The following AVL9 variants were observed in gnomAD, a reference collection of about 807,000 sequenced individuals.
AVL9 encodes AVL9 cell migration associated, also known as late secretory pathway protein AVL9 homolog.
A neutral mutation model predicts 79.2 loss-of-function variants in AVL9; 49 were observed. The ratio of observed to expected loss-of-function variants is 0.62; its 90% CI spans 0.49 to 0.79. AVL9 has a LOEUF of 0.79. Among genes scored for constraint, AVL9 ranks in the 30% least tolerant of loss-of-function variants. The pLI is 0.00. For missense variants in AVL9, 682 were observed against 776.8 expected (o/e 0.88, Z 1.45); for synonymous variants, 299 against 280.6 (o/e 1.07, Z -0.65).
At chr7:32,569,906 C>A in intron 10 of AVL9, 114 bp from the exon 11 acceptor site, 1 of 989,584 alleles carries the variant, frequency 1.0e-6, no homozygotes, top group Non-Finnish European at 1.5e-6. Context: ...AGCTGACTTA[C>A]AGACAGGGCA....
At chr7:32,556,222 A>G (rs554289687) in intron 8 of AVL9, among the ~76,000 whole-genome samples, 2 of 152,304 alleles carry the variant, frequency 1.3e-5, no homozygotes, top group South Asian at 4.1e-4. Flanking sequence ...TAAGAAATAT[A>G]TATTCCTTCA....
chr7:32,513,753 C>A (rs1194317300), intron 1 of AVL9, among the ~76,000 whole-genome samples: 1 of 152,140 alleles, frequency 6.6e-6, no homozygotes, highest in African/African-American at 2.4e-5. Context: ...AGGACCTGCA[C>A]CAGCGCTGGT....
rs34422070 is a variant in AVL9 at position 32,586,472 on chromosome 7, C to CCCCCCCCCCCCCCCCCCCA, written c.*2566_*2567insCCCCCCCCCCCCCCCCCAC. Reference sequence around the variant, plus strand: ...CCCCTGGTCCTGTGACCCCCCCCCCCCACACACACACATACTTCAGGCTTG... The same window carrying CCCCCCCCCCCCCCCCCCCA: ...CCCCTGGTCCTGTGACCCCCCCCCCCCCCCCCCCCCCCCCCCCCACACACACACACATACTTCAGGCTTG... On this transcript the variant is annotated 3_prime_UTR_variant, in exon 16 of 16. Transcript: ENST00000318709. The CCCCCCCCCCCCCCCCCCCA allele has an allele frequency of 1.4e-5, 2 of 142,958 alleles. No individual in the cohort carries two copies. Among genetic ancestry groups the CCCCCCCCCCCCCCCCCCCA allele is most frequent in the African/African-American group, 2.6e-5 (1 of 38,728 alleles). 8.9% of individuals were successfully genotyped at this position (142,958 alleles called of 1,614,324 possible).
At chr7:32,508,751 T>C (rs932411664) in intron 1 of AVL9, among the ~76,000 whole-genome samples, 2 of 152,246 alleles carry the variant, frequency 1.3e-5, no homozygotes, top group Non-Finnish European at 2.9e-5. Flanking sequence ...CTATCTTCAC[T>C]GTTCTGTTAT....
chr7:32,498,414 A>G (rs1786961909), intron 1 of AVL9, among the ~76,000 whole-genome samples: 1 of 151,772 alleles, frequency 6.6e-6, no homozygotes. Context: ...GTACCTGGCT[A>G]ATTTTTTATA....
chr7:32,566,651 G>C (rs1260562965), intron 10 of AVL9, among the ~76,000 whole-genome samples: 3 of 152,074 alleles, frequency 2.0e-5, no homozygotes, highest in Non-Finnish European at 4.4e-5. Flanking sequence ...GACCGAGGCG[G>C]GCAGATCACG....
chr7:32,571,275 A>G (rs1046209427), intron 11 of AVL9, among the ~76,000 whole-genome samples: 13 of 148,358 alleles, frequency 8.8e-5, no homozygotes, highest in African/African-American at 3.0e-4. Context: ...CAAATCTGTA[A>G]TCCCAGCACT....
At chr7:32,562,307 T>C (rs566530971) in intron 10 of AVL9, among the ~76,000 whole-genome samples, 35 of 152,184 alleles carry the variant, frequency 2.3e-4, no homozygotes, top group Non-Finnish European at 4.0e-4. Context: ...GTCTAACTTA[T>C]ATCACTTATA....
chr7:32,583,022 T>C (rs1440829331), intron 15 of AVL9, among the ~76,000 whole-genome samples: 2 of 152,168 alleles, frequency 1.3e-5, no homozygotes, highest in Non-Finnish European at 2.9e-5. Context: ...TAAAACACAA[T>C]AGACCTGGGG....
At position 32,559,344 on chromosome 7, in the gene AVL9, A is replaced by C. The variant is rs1298948698; in HGVS notation, c.1095A>C (p.Ser365=). The change falls in exon 10 of 16, where the codon TCA becomes TCC. Residue 365 remains serine (S), a synonymous_variant. Coordinates refer to ENST00000318709, the MANE Select transcript of AVL9 (RefSeq NM_015060.3). ...TGTTTCCAAAGGACTCTGTCCCCTCAGAGAGTCTTCCAATTACTGTACAAC... is the reference window on the plus strand; with the variant it reads ...TGTTTCCAAAGGACTCTGTCCCCTCCGAGAGTCTTCCAATTACTGTACAAC... ...TNLFPKDSVP[S]ESLPITVQPQ... 1 of 1,614,196 alleles carries C rather than the reference A, an allele frequency of 6.2e-7. No individual in the cohort carries two copies.
intron 1 of AVL9, among the ~76,000 whole-genome samples, chr7:32,524,539 CA>C: frequency 7.9e-6 from 1 of 126,566 alleles, no homozygotes; most frequent in African/African-American, 3.0e-5. Context: ...TACACACACA[CA>C]CACACACACA....
At chr7:32,544,802 A>G (rs764523273) in intron 3 of AVL9, 23 bp downstream of exon 3, 2 of 1,572,700 alleles carry the variant, frequency 1.3e-6, no homozygotes, top group South Asian at 1.1e-5. Flanking sequence ...ATAGTGAAAA[A>G]CAATTCCAAA....
At chr7:32,503,844 G>A (rs113286755) in intron 1 of AVL9, among the ~76,000 whole-genome samples, 2,543 of 152,082 alleles carry the variant, frequency 0.017, 68 homozygotes, top group African/African-American at 0.058. Context: ...CACCACACCC[G>A]GCTATGTTTT....
In AVL9 at chr7:32,579,480, TATATAATATATTAC is replaced by T. The variant is rs1459057173; in HGVS notation, c.1689-734_1689-721del. ...ATATTATATATAATATATTATATTA[TATATAATATATTAC>T]ATATTATATATTATATATTATATTA... On this transcript the variant is annotated intron_variant, in intron 13 of 15. Coordinates refer to ENST00000318709, the MANE Select transcript of AVL9 (RefSeq NM_015060.3). Among the ~76,000 whole-genome samples the T allele has an allele frequency of 2.7e-3, 23 of 8,574 alleles. 8 individuals carry two copies. The highest frequency in any genetic ancestry group is 0.013 in the African/African-American group (21 of 1,566). 5.6% of individuals were successfully genotyped at this position (8,574 alleles called of 152,430 possible). A position where few individuals can be genotyped will look rare whatever the true frequency, so the allele number is the denominator to read the frequency against.
intron 1 of AVL9, chr7:32,531,952 A>C (rs10265319): frequency 0.15 from 22,787 of 152,288 alleles, 1,735 homozygotes; most frequent in East Asian, 0.18. Context: ...TGCATGAGGC[A>C]GGTGTCCTCC....
At chr7:32,538,925 C>T (rs564299954) in intron 1 of AVL9, 1 of 152,302 alleles carries the variant, frequency 6.6e-6, no homozygotes, top group South Asian at 2.1e-4. Flanking sequence ...AGGGTGCACC[C>T]ATTTCAATAT....
intron 15 of AVL9, among the ~76,000 whole-genome samples, chr7:32,582,902 TC>T (rs1168780839): frequency 6.6e-6 from 1 of 152,132 alleles, no homozygotes; most frequent in Non-Finnish European, 1.5e-5. Context: ...CCAGGCTGTC[TC>T]GAATTCTTGG....
At chr7:32,519,992 A>G (rs1302241833) in intron 1 of AVL9, among the ~76,000 whole-genome samples, 3 of 152,194 alleles carry the variant, frequency 2.0e-5, no homozygotes, top group Non-Finnish European at 4.4e-5. Context: ...AGAACTCACT[A>G]TCACAAGAAC....
intron 10 of AVL9, 118 bp from the exon 11 acceptor site, chr7:32,569,902 C>T (rs1790748200): frequency 2.1e-6 from 2 of 949,776 alleles, no homozygotes; most frequent in Admixed American, 4.9e-5. Flanking sequence ...GATTAGCTGA[C>T]TTACAGACAG....
Sources: allele counts gnomAD v4.1 joint callset (sites outside exome capture counted in the v4.1 genomes callset), GRCh38; gene constraint gnomAD v4.1.1; transcripts MANE v1.5; gene names NCBI Gene and HGNC (gene_info 2026-07-23, HGNC 2026-07-21).